The following SMYD3 variants were observed in gnomAD, a reference collection of about 807,000 sequenced individuals.
The protein encoded by SMYD3 is SET and MYND domain containing 3, also known as histone-lysine N-methyltransferase SMYD3.
SMYD3 carries 36 observed loss-of-function variants against 57.7 expected under a neutral mutation model. The observed-to-expected ratio is 0.62, with a 90% confidence interval of 0.48 to 0.82. The LOEUF is 0.82. SMYD3 is among the 40% of genes least tolerant of loss of function. SMYD3 has a pLI of 0.00. For synonymous variants in SMYD3, 211 were observed against 195.0 expected, an observed-to-expected ratio of 1.08 and a Z score of -0.68; for missense variants, 515 against 538.8, an observed-to-expected ratio of 0.96 and a Z score of 0.44.
At chr1:246,354,944 T>C (rs577049034) in intron 2 of SMYD3, 87 bp downstream of exon 2, 1 of 1,184,650 alleles carries the variant, frequency 8.4e-7, no homozygotes, top group Non-Finnish European at 1.2e-6. Flanking sequence ...TGTAAAGAAG[T>C]AGACACAGGC....
At chr1:246,442,179 GGGAA>G (rs2067480742) in intron 1 of SMYD3, among the ~76,000 whole-genome samples, 1 of 152,208 alleles carries the variant, frequency 6.6e-6, no homozygotes, top group Admixed American at 6.5e-5. Flanking sequence ...CTTTTCTTCA[GGGAA>G]GGAAGGAATG....
chr1:245,985,662 A>C (rs943476607), intron 5 of SMYD3, among the ~76,000 whole-genome samples: 2 of 152,060 alleles, frequency 1.3e-5, no homozygotes, highest in Non-Finnish European at 2.9e-5. Flanking sequence ...CCCTTTCTTA[A>C]CTGCATTTCT....
chr1:246,202,226 A>G lies in SMYD3; in HGVS notation c.531+124975T>C, dbSNP rs894398948. ...AATTTAAAAAAACAGTGACATATAC[A>G]TATCAGTCCTTTTATTTAGTACTGT... On this transcript the variant is annotated intron_variant, in intron 5 of 11. Coordinates refer to ENST00000490107, the MANE Select transcript of SMYD3 (RefSeq NM_001167740.2). This position sits in a 1 kb window ranked among gnomAD's most constrained non-coding sequence, Gnocchi z 4.1. Among the ~76,000 whole-genome samples, 9 of 152,318 alleles carry G rather than the reference A, an allele frequency of 5.9e-5. No homozygotes were observed. Among genetic ancestry groups the G allele is most frequent in the South Asian group, 2.1e-4 (1 of 4,822 alleles).
chr1:246,353,728 T>C (rs60846884), intron 2 of SMYD3, among the ~76,000 whole-genome samples: 6,142 of 152,276 alleles, frequency 0.04, 415 homozygotes, highest in African/African-American at 0.14. Flanking sequence ...TCTGTCCTCA[T>C]TGTCCTTATT....
chr1:246,357,397 G>C (rs1355566254), intron 1 of SMYD3, among the ~76,000 whole-genome samples: 1 of 152,164 alleles, frequency 6.6e-6, no homozygotes. Flanking sequence ...GCAACGTCAG[G>C]AAGTTACCCT....
intron 10 of SMYD3, among the ~76,000 whole-genome samples, chr1:245,836,234 C>T (rs570098078): frequency 1.3e-5 from 2 of 152,280 alleles, no homozygotes; most frequent in South Asian, 4.1e-4. Flanking sequence ...GAAAATGAAG[C>T]CAGTGCTATG....
chr1:246,500,647 G>A (rs1306712403), intron 1 of SMYD3, among the ~76,000 whole-genome samples: 1 of 152,178 alleles, frequency 6.6e-6, no homozygotes, highest in Non-Finnish European at 1.5e-5. Context: ...AAGCCACATG[G>A]CTATCATGAG....
intron 1 of SMYD3, among the ~76,000 whole-genome samples, chr1:246,407,419 C>T (rs76622204): frequency 0.029 from 4,349 of 152,276 alleles, 103 homozygotes; most frequent in Non-Finnish European, 0.043. Flanking sequence ...CAATTAGAGC[C>T]GCACATTCAC....
chr1:246,147,382 C>A (rs751587848), intron 5 of SMYD3, among the ~76,000 whole-genome samples: 1 of 152,112 alleles, frequency 6.6e-6, no homozygotes, highest in Non-Finnish European at 1.5e-5. Context: ...TAGAAAACAG[C>A]CCCCATGAAG....
chr1:246,098,397 G>T (rs184408424), intron 5 of SMYD3, among the ~76,000 whole-genome samples: 43 of 152,274 alleles, frequency 2.8e-4, no homozygotes, highest in African/African-American at 9.1e-4. Context: ...GTTCAGAGAG[G>T]CCAAAAGGCA....
intron 5 of SMYD3, among the ~76,000 whole-genome samples, chr1:245,960,383 A>G (rs2057968320): frequency 6.6e-6 from 1 of 152,188 alleles, no homozygotes; most frequent in South Asian, 2.1e-4. Flanking sequence ...AGGGACAACA[A>G]TCTATTTTTC....
chr1:246,027,380 GA>G (rs1403083598), intron 5 of SMYD3, among the ~76,000 whole-genome samples: 2 of 152,208 alleles, frequency 1.3e-5, no homozygotes, highest in African/African-American at 4.8e-5. Context: ...AACTAGAGGA[GA>G]GGTCAATGCT....
At chr1:245,944,794 T>G (rs4427373) in intron 5 of SMYD3, among the ~76,000 whole-genome samples, 95,198 of 152,084 alleles carry the variant, frequency 0.63, 35,198 homozygotes, top group Non-Finnish European at 0.83. Context: ...AAAACAGACA[T>G]ATAGACTAAT....
At chr1:246,367,032 A>T (rs2066115935) in intron 1 of SMYD3, among the ~76,000 whole-genome samples, 1 of 152,164 alleles carries the variant, frequency 6.6e-6, no homozygotes, top group African/African-American at 2.4e-5. Context: ...TCAAATCAAA[A>T]ACATAATTAA....
At position 246,155,355 on chromosome 1, in the gene SMYD3, G is replaced by A. The variant is rs142396381; in HGVS notation, c.531+171846C>T. On this transcript the variant is annotated intron_variant, in intron 5 of 11. Transcript: ENST00000490107. ...AGCCAAGAGAAAGCAGATAATGTTC[G>A]TCCCTTATTTCCATACGTTTCTTGT... 1.8e-3 allele frequency among the ~76,000 whole-genome samples: 280 copies of A among 152,166 alleles called. 2 individuals carry two copies. The highest frequency in any genetic ancestry group is 6.4e-3 in the African/African-American group (265 of 41,514).
chr1:246,506,977 CG>C (rs1321250975), intron 1 of SMYD3, 76 bp downstream of exon 1: 78 of 1,213,476 alleles, frequency 6.4e-5, no homozygotes, highest in East Asian at 2.7e-4. Context: ...CCGCGGCTGC[CG>C]GCCGCCCGAC....
chr1:246,282,871 T>A (rs1399000362), intron 5 of SMYD3, among the ~76,000 whole-genome samples: 3 of 152,198 alleles, frequency 2.0e-5, no homozygotes, highest in Non-Finnish European at 4.4e-5. Flanking sequence ...CAGTTGTTAA[T>A]TATCTAAAGT....
chr1:245,774,973 G>A (rs2046509094), intron 10 of SMYD3, among the ~76,000 whole-genome samples: 1 of 152,158 alleles, frequency 6.6e-6, no homozygotes, highest in Non-Finnish European at 1.5e-5. Context: ...GGAGGTGCAG[G>A]GATTGCAGAC....
intron 10 of SMYD3, among the ~76,000 whole-genome samples, chr1:245,810,864 G>A (rs568966326): frequency 4.6e-5 from 7 of 152,336 alleles, no homozygotes; most frequent in East Asian, 1.9e-4. Flanking sequence ...CCGAGCAGAC[G>A]GAGGGAGTGC....
Sources: allele counts gnomAD v4.1 joint callset (sites outside exome capture counted in the v4.1 genomes callset), GRCh38; gene constraint gnomAD v4.1.1; non-coding constraint Gnocchi (gnomAD v3.1); transcripts MANE v1.5; gene names NCBI Gene and HGNC (gene_info 2026-07-23, HGNC 2026-07-21).